Variants in PCSK5 observed in about 807,000 individuals in gnomAD.
The protein encoded by PCSK5 is prohormone convertase 5.
PCSK5 carries 129 observed loss-of-function variants against 233.2 expected under a neutral mutation model. The observed-to-expected ratio is 0.55, with a 90% CI of 0.48 to 0.64. The LOEUF (loss-of-function observed/expected upper bound fraction) is 0.64. Ranked by LOEUF, PCSK5 falls within the 30% of genes least tolerant of loss-of-function variation. The pLI is 0.00. For missense variants in PCSK5, 2,076 were observed against 2,430.1 expected (o/e 0.85, Z 3.06); for synonymous variants, 825 against 879.2 (o/e 0.94, Z 1.09).
At chr9:76,247,789 A>T (rs1300702916) in intron 24 of PCSK5, among the ~76,000 whole-genome samples, 1 of 130,152 alleles carries the variant, frequency 7.7e-6, no homozygotes, top group Non-Finnish European at 1.7e-5. Flanking sequence ...TTATTTTTTA[A>T]TCTTTTTTTT....
At chr9:76,289,469 C>CCA (rs201456283) in intron 24 of PCSK5, among the ~76,000 whole-genome samples, 3,393 of 129,898 alleles carry the variant, frequency 0.026, 98 homozygotes, top group African/African-American at 0.075. Context: ...ATTCCCCTCA[C>CCA]CACACACACA....
intron 5 of PCSK5, among the ~76,000 whole-genome samples, chr9:76,047,153 AT>A (rs1229993560): frequency 6.6e-6 from 1 of 150,824 alleles, no homozygotes; most frequent in Non-Finnish European, 1.5e-5. Context: ...CTGGAGTGCA[AT>A]GGTGAGATCT....
At chr9:76,311,673 G>A (rs74428315) in intron 30 of PCSK5, among the ~76,000 whole-genome samples, 1 of 152,146 alleles carries the variant, frequency 6.6e-6, no homozygotes, top group Non-Finnish European at 1.5e-5. Flanking sequence ...GAAATGCCAA[G>A]TAAAATGACT....
At chr9:76,330,602 T>A (rs1408681481) in intron 33 of PCSK5, among the ~76,000 whole-genome samples, 4 of 151,842 alleles carry the variant, frequency 2.6e-5, no homozygotes, top group Non-Finnish European at 4.4e-5. Flanking sequence ...TGGAAAAAAA[T>A]TAAAATTTTA....
intron 30 of PCSK5, among the ~76,000 whole-genome samples, chr9:76,318,402 T>C (rs2013941): frequency 6.6e-6 from 1 of 151,502 alleles, no homozygotes; most frequent in Non-Finnish European, 1.5e-5. Context: ...CAAACCACCA[T>C]GGCACATGTA....
Position 76,351,447 on chromosome 9 carries a change from G to GAAAGGAAAGAGAAA in PCSK5, c.5067+519_5067+520insAAAGGAAAGAGAAA, listed in dbSNP as rs1491332963. On this transcript the variant is annotated intron_variant, in intron 36 of 37. Transcript: ENST00000674117. Reference sequence around the variant, plus strand: ...GCCCCCCCCTGCAATGTGAAAGAAAGGAAAGAAAGAAAGAAAGAAAGAAAG... The same window carrying GAAAGGAAAGAGAAA: ...GCCCCCCCCTGCAATGTGAAAGAAAGAAAGGAAAGAGAAAGAAAGAAAGAAAGAAAGAAAGAAAG... Among the ~76,000 whole-genome samples the GAAAGGAAAGAGAAA allele has an allele frequency of 1.1e-4, 3 of 27,460 alleles. 1 individual carries two copies. Among genetic ancestry groups the GAAAGGAAAGAGAAA allele is most frequent in the African/African-American group, 2.2e-4 (2 of 9,178 alleles). The allele number at this position is 27,460 out of a possible 152,430, so 18.0% of individuals were successfully genotyped here. A position where few individuals can be genotyped will look rare whatever the true frequency, so the allele number is the denominator to read the frequency against.
In PCSK5 at chr9:75,938,350, C is replaced by T. The variant is rs138981648; in HGVS notation, c.297+5867C>T. Among the ~76,000 whole-genome samples, 632 of 152,282 alleles carry T rather than the reference C, an allele frequency of 4.2e-3. 4 individuals are homozygous for T. Among genetic ancestry groups the T allele is most frequent in the African/African-American group, 0.014 (582 of 41,558 alleles). ...GTCAGTCTAGAGCAGTCAGAACAAA[C>T]GCAACATTTATTGATTAAGTTCACT... is the stretch of plus-strand genomic sequence containing the variant. On this transcript the variant is annotated intron_variant, in intron 2 of 37. Coordinates refer to ENST00000674117, the MANE Select transcript of PCSK5 (RefSeq NM_001372043.1).
intron 5 of PCSK5, among the ~76,000 whole-genome samples, chr9:76,041,255 C>G (rs1170194353): frequency 6.6e-6 from 1 of 152,174 alleles, no homozygotes; most frequent in South Asian, 2.1e-4. Flanking sequence ...AGAGAAGTTA[C>G]TACTGTAGGT....
chr9:76,286,899 A>G, intron 24 of PCSK5: 1 of 234,634 alleles, frequency 4.3e-6, no homozygotes, highest in Non-Finnish European at 8.2e-6. Flanking sequence ...TGATTAACTT[A>G]TTAAAGGACT....
In PCSK5 at chr9:76,329,854, A is replaced by G. The variant is rs538960842; in HGVS notation, c.4570+1615A>G. Among the ~76,000 whole-genome samples the G allele has an allele frequency of 5.3e-5, 8 of 152,158 alleles. No homozygotes were observed. In the South Asian group the frequency reaches 1.5e-3, roughly 28 times the overall value. On this transcript the variant is annotated intron_variant, in intron 33 of 37. Transcript: ENST00000674117. ...TCTCAGAAAAAAAAGAAAAGAAAGG[A>G]AAAATACAGTCTTCATTTTTCCTTT... is the stretch of plus-strand genomic sequence containing the variant.
chr9:76,101,910 T>A (rs1458438807), intron 8 of PCSK5, among the ~76,000 whole-genome samples: 2 of 152,236 alleles, frequency 1.3e-5, no homozygotes, highest in Non-Finnish European at 2.9e-5. Context: ...TAGGTTATTC[T>A]CTGTCATCTC....
rs765446243 is a variant in PCSK5 at position 76,292,221 on chromosome 9, T to A, written c.3143-12T>A. On this transcript the variant is annotated splice_polypyrimidine_tract_variant and intron_variant, in intron 24 of 37. Transcript: ENST00000674117. Reference sequence around the variant, plus strand: ...CTCATGATTATTACTTTTTATTATTTTTTTTTTCCAGATGATCCAGGAACA... The same window carrying A: ...CTCATGATTATTACTTTTTATTATTATTTTTTTCCAGATGATCCAGGAACA... 4.9e-5 allele frequency: 75 copies of A among 1,522,684 alleles called. No individual in the cohort carries two copies. Among genetic ancestry groups the A allele is most frequent in the African/African-American group, 4.1e-4 (30 of 72,760 alleles). The allele number at this position is 1,522,684 out of a possible 1,614,324, so 94.3% of individuals were successfully genotyped here.
chr9:76,270,891 C>A (rs939804283), intron 24 of PCSK5, among the ~76,000 whole-genome samples: 2 of 152,152 alleles, frequency 1.3e-5, no homozygotes, highest in South Asian at 4.1e-4. Context: ...CCCAAACCTG[C>A]ACCTGTTCTG....
At chr9:75,896,781 T>C (rs963267792) in intron 1 of PCSK5, among the ~76,000 whole-genome samples, 4 of 152,234 alleles carry the variant, frequency 2.6e-5, no homozygotes, top group Non-Finnish European at 5.9e-5. Flanking sequence ...TATGTACATA[T>C]GCACAGCATA....
intron 3 of PCSK5, among the ~76,000 whole-genome samples, chr9:75,993,673 A>T (rs1203284442): frequency 1.5e-4 from 23 of 152,210 alleles, no homozygotes; most frequent in Non-Finnish European, 1.5e-5. Flanking sequence ...CATGGCTATG[A>T]TTTATTTCCT....
At chr9:76,311,514 T>C (rs1003866292) in intron 30 of PCSK5, among the ~76,000 whole-genome samples, 6 of 152,138 alleles carry the variant, frequency 3.9e-5, no homozygotes, top group African/African-American at 1.2e-4. Flanking sequence ...GGTTAGTTAT[T>C]TATTGATTCC....
At chr9:76,048,933 T>G (rs1829522137) in intron 5 of PCSK5, among the ~76,000 whole-genome samples, 1 of 152,132 alleles carries the variant, frequency 6.6e-6, no homozygotes, top group South Asian at 2.1e-4. Context: ...GTAGAAAAGG[T>G]AGAAGCATGT....
At chr9:76,133,020 T>C (rs141801466) in intron 9 of PCSK5, among the ~76,000 whole-genome samples, 1 of 152,166 alleles carries the variant, frequency 6.6e-6, no homozygotes, top group Non-Finnish European at 1.5e-5. Flanking sequence ...TCAGTGTCCA[T>C]ACACCTACAA....
intron 35 of PCSK5, among the ~76,000 whole-genome samples, chr9:76,340,602 G>A (rs1462603935): frequency 6.2e-5 from 8 of 129,244 alleles, no homozygotes; most frequent in Admixed American, 9.9e-5. Context: ...CCGAGATTGC[G>A]CCATTGCACT....
Sources: gnomAD v4.1 joint callset for allele counts (sites outside exome capture counted in the v4.1 genomes callset) on GRCh38, gnomAD v4.1.1 for gene constraint, MANE v1.5 for transcripts, NCBI Gene and HGNC (gene_info 2026-07-23, HGNC 2026-07-21) for gene names.